RAPGEF4: variants seen among roughly 807,000 people sequenced by gnomAD.
RAPGEF4 encodes the protein RAP guanine-nucleotide-exchange factor (GEF) 4.
Under a neutral mutation model 147.9 loss-of-function variants are expected in RAPGEF4, and 66 were observed. That is an observed-to-expected ratio of 0.45 (90% CI 0.37 to 0.55). The LOEUF (loss-of-function observed/expected upper bound fraction) is 0.55. Among genes scored for constraint, RAPGEF4 ranks in the 20% least tolerant of loss-of-function variants. The pLI is 0.00. For missense variants in RAPGEF4, 1,071 were observed against 1,257.3 expected, an observed-to-expected ratio of 0.85 and a Z score of 2.24; for synonymous variants, 419 against 442.7, an observed-to-expected ratio of 0.95 and a Z score of 0.67.
At chr2:173,030,941 C>T (rs749444977) in intron 26 of RAPGEF4, among the ~76,000 whole-genome samples, 4 of 152,140 alleles carry the variant, frequency 2.6e-5, no homozygotes, top group Admixed American at 6.5e-5. Flanking sequence ...ACCTCTTACA[C>T]GTGGCATATA....
chr2:172,941,493 A>G (rs546950841), intron 6 of RAPGEF4, among the ~76,000 whole-genome samples: 17 of 152,322 alleles, frequency 1.1e-4, no homozygotes, highest in African/African-American at 3.8e-4. Flanking sequence ...ATTGTGAAAA[A>G]TAAATAGCAT....
intron 1 of RAPGEF4, among the ~76,000 whole-genome samples, chr2:172,743,692 A>C (rs1694510232): frequency 6.6e-6 from 1 of 152,190 alleles, no homozygotes; most frequent in Non-Finnish European, 1.5e-5. Context: ...AATGAGACAT[A>C]GCAGAAGTCT....
intron 10 of RAPGEF4, among the ~76,000 whole-genome samples, chr2:172,970,939 GAC>G (rs1690415714): frequency 6.6e-6 from 1 of 152,222 alleles, no homozygotes; most frequent in Non-Finnish European, 1.5e-5. Flanking sequence ...ACAGAACGAT[GAC>G]AGTTTGACGG....
At chr2:172,789,261 A>C (rs113555377) in intron 1 of RAPGEF4, among the ~76,000 whole-genome samples, 1 of 152,234 alleles carries the variant, frequency 6.6e-6, no homozygotes, top group African/African-American at 2.4e-5. Context: ...AAATCTCTTC[A>C]CCTTTGCCAT....
chr2:172,831,344 C>T (rs1169492582), intron 4 of RAPGEF4, among the ~76,000 whole-genome samples: 5 of 135,300 alleles, frequency 3.7e-5, no homozygotes, highest in Admixed American at 2.5e-4. Flanking sequence ...TCTTGGCTCA[C>T]TGCAACCTTT....
At chr2:172,760,448 G>T (rs967655364) in intron 1 of RAPGEF4, among the ~76,000 whole-genome samples, 5 of 152,232 alleles carry the variant, frequency 3.3e-5, no homozygotes, top group African/African-American at 1.2e-4. Flanking sequence ...GCTGGGCGTG[G>T]TGGCTCACGC....
At chr2:173,022,324 T>C (rs914252422) in intron 23 of RAPGEF4, among the ~76,000 whole-genome samples, 20 of 152,346 alleles carry the variant, frequency 1.3e-4, no homozygotes, top group African/African-American at 4.6e-4. Flanking sequence ...TAGTCCTTGC[T>C]CGTCCTCTGT....
At chr2:172,997,020 C>G (rs1693437440) in intron 16 of RAPGEF4, among the ~76,000 whole-genome samples, 1 of 152,140 alleles carries the variant, frequency 6.6e-6, no homozygotes, top group African/African-American at 2.4e-5. Context: ...CTAGGGCTGC[C>G]CTAATGAACT....
At chr2:172,867,579 A>T (rs547585197) in intron 4 of RAPGEF4, among the ~76,000 whole-genome samples, 1 of 152,356 alleles carries the variant, frequency 6.6e-6, no homozygotes, top group South Asian at 2.1e-4. Flanking sequence ...TCTGAAATGT[A>T]TCTATCTCAT....
chr2:172,858,854 A>G (rs932724503), intron 4 of RAPGEF4, among the ~76,000 whole-genome samples: 1 of 152,156 alleles, frequency 6.6e-6, no homozygotes, highest in East Asian at 1.9e-4. Context: ...ATTTTGAAAA[A>G]CGCTGAGAAG....
chr2:172,847,261 A>G (rs1415499682), intron 4 of RAPGEF4, among the ~76,000 whole-genome samples: 2 of 152,210 alleles, frequency 1.3e-5, no homozygotes, highest in Non-Finnish European at 2.9e-5. Flanking sequence ...AGCTTGACAC[A>G]GACTTCTTAA....
chr2:172,956,438 T>C (rs1454806010), intron 6 of RAPGEF4, among the ~76,000 whole-genome samples: 1 of 151,940 alleles, frequency 6.6e-6, no homozygotes, highest in Non-Finnish European at 1.5e-5. Context: ...TCCTCAATGC[T>C]AAATGTTGTT....
At chr2:172,875,194 T>G (rs140745480) in intron 4 of RAPGEF4, among the ~76,000 whole-genome samples, 11,171 of 152,218 alleles carry the variant, frequency 0.073, 503 homozygotes, top group South Asian at 0.14. Context: ...CCATTCTGTA[T>G]GTTGCCTGTT....
At chr2:173,030,892 T>G (rs769849457) in intron 26 of RAPGEF4, among the ~76,000 whole-genome samples, 7 of 152,212 alleles carry the variant, frequency 4.6e-5, no homozygotes, top group Non-Finnish European at 8.8e-5. Flanking sequence ...CTAGAAAACA[T>G]CTTCATTTAT....
chr2:172,875,257 T>A (rs1695762693), intron 4 of RAPGEF4, among the ~76,000 whole-genome samples: 1 of 152,192 alleles, frequency 6.6e-6, no homozygotes, highest in South Asian at 2.1e-4. Flanking sequence ...TTTAATTAGA[T>A]CCCATTTGTC....
At chr2:172,895,790 C>T (rs967224610) in intron 4 of RAPGEF4, among the ~76,000 whole-genome samples, 1 of 152,146 alleles carries the variant, frequency 6.6e-6, no homozygotes, top group Non-Finnish European at 1.5e-5. Context: ...TCAAAACAAA[C>T]AGACAGACAA....
At chr2:172,909,947 C>G (rs1003919412) in intron 4 of RAPGEF4, among the ~76,000 whole-genome samples, 27 of 152,162 alleles carry the variant, frequency 1.8e-4, no homozygotes, top group African/African-American at 5.8e-4. Context: ...GGGAATTACC[C>G]CACCGCTGCA....
chr2:172,857,375 T>C (rs1277189836), intron 4 of RAPGEF4, among the ~76,000 whole-genome samples: 2 of 152,214 alleles, frequency 1.3e-5, no homozygotes, highest in Non-Finnish European at 2.9e-5. Flanking sequence ...TATAGGGCCT[T>C]ATGGTGTCAA....
intron 1 of RAPGEF4, among the ~76,000 whole-genome samples, chr2:172,792,251 G>A (rs1180754722): frequency 6.6e-6 from 1 of 152,214 alleles, no homozygotes; most frequent in African/African-American, 2.4e-5. Flanking sequence ...AAGACTGAAA[G>A]TTATCTGCAC....
Sources: allele counts gnomAD v4.1 joint callset (sites outside exome capture counted in the v4.1 genomes callset), GRCh38; gene constraint gnomAD v4.1.1; transcripts MANE v1.5; gene names NCBI Gene and HGNC (gene_info 2026-07-23, HGNC 2026-07-21).